ATG7: variants seen among roughly 807,000 people sequenced by gnomAD.
ATG7 encodes autophagy related 7, also known as ubiquitin-like modifier-activating enzyme ATG7.
ATG7 carries 70 observed loss-of-function variants against 82.4 expected under a neutral mutation model. That is an observed-to-expected ratio of 0.85 (90% CI 0.70 to 1.04). The LOEUF is 1.04. Ranked by LOEUF, ATG7 falls within the 50% of genes least tolerant of loss-of-function variation. The probability of loss-of-function intolerance (pLI) is 0.00; values close to 1 mark genes in which losing one functional copy is unlikely to be tolerated. For missense variants in ATG7, 792 were observed against 864.3 expected, an observed-to-expected ratio of 0.92 and a Z score of 1.05; for synonymous variants, 287 against 313.0, an observed-to-expected ratio of 0.92 and a Z score of 0.88.
chr3:11,390,280 A>G (rs534128534), intron 19 of ATG7, among the ~76,000 whole-genome samples: 8 of 152,390 alleles, frequency 5.2e-5, no homozygotes, highest in African/African-American at 1.7e-4. Flanking sequence ...TTTTTTAAAA[A>G]GTGAGTGCAA....
rs185707005 is a variant in ATG7 at position 11,379,908 on chromosome 3, G to A, written c.1876-64G>A. ...TCCTACTTGTTGTCAGAAACCAGACGTGCATTTCATAGATGTGGTCGTTGT... is the reference window on the plus strand; with the variant it reads ...TCCTACTTGTTGTCAGAAACCAGACATGCATTTCATAGATGTGGTCGTTGT... On this transcript the variant is annotated intron_variant, in intron 18 of 20. Transcript: ENST00000693202. The A allele has an allele frequency of 9.8e-4, 1,468 of 1,490,784 alleles. 2 individuals are homozygous for A. The highest frequency in any genetic ancestry group is 1.2e-3 in the Non-Finnish European group (1,298 of 1,068,892). The allele number at this position is 1,490,784 out of a possible 1,614,324, so 92.3% of individuals were successfully genotyped here. A position where few individuals can be genotyped will look rare whatever the true frequency, so the allele number is the denominator to read the frequency against.
intron 20 of ATG7, among the ~76,000 whole-genome samples, chr3:11,474,942 TAGAG>T (rs2087962740): frequency 6.6e-6 from 1 of 151,700 alleles, no homozygotes. Context: ...AGGTTGGCAA[TAGAG>T]GGAGCACGTG....
chr3:11,424,715 C>A (rs1042161980), intron 19 of ATG7, among the ~76,000 whole-genome samples: 5 of 151,992 alleles, frequency 3.3e-5, no homozygotes, highest in Admixed American at 3.3e-4. Context: ...AAATAATCTA[C>A]AGAGGCTACT....
chr3:11,458,520 C>T (rs970391690), intron 20 of ATG7, among the ~76,000 whole-genome samples: 14 of 152,174 alleles, frequency 9.2e-5, no homozygotes, highest in African/African-American at 3.4e-4. Flanking sequence ...GCCTCGGCAT[C>T]CCAAAGTGCC....
At chr3:11,275,199 T>G (rs1301356506) in intron 1 of ATG7, among the ~76,000 whole-genome samples, 1 of 152,138 alleles carries the variant, frequency 6.6e-6, no homozygotes, top group African/African-American at 2.4e-5. Context: ...ATGAATTTGC[T>G]GTGTGGAATT....
intron 20 of ATG7, among the ~76,000 whole-genome samples, chr3:11,527,079 A>G (rs868198389): frequency 0.024 from 3,439 of 145,622 alleles, 103 homozygotes; most frequent in African/African-American, 0.057. Context: ...GTGTATATAT[A>G]TATATATATA....
chr3:11,525,818 T>G (rs1368041092), intron 20 of ATG7, among the ~76,000 whole-genome samples: 3 of 152,084 alleles, frequency 2.0e-5, no homozygotes, highest in Admixed American at 1.3e-4. Context: ...CCTCCCAAAG[T>G]GCTGGGATTA....
Position 11,365,649 on chromosome 3 carries a change from ACT to A in ATG7, c.1875+917_1875+918del, listed in dbSNP as rs1315514509. 3.3e-5 allele frequency among the ~76,000 whole-genome samples: 5 copies of A among 152,074 alleles called. No individual in the cohort carries two copies. The East Asian group carries it at 9.7e-4, about 29-fold the overall frequency. On this transcript the variant is annotated intron_variant, in intron 18 of 20. Transcript: ENST00000693202. ...TCAGACGAGTGCAGAGAGCAGAGTG[ACT>A]CAGCTCATGCTTGTCTCTCTCTTCC... is the stretch of plus-strand genomic sequence containing the variant.
At chr3:11,558,959 A>G, downstream of ATG7, 4 of 1,096,216 alleles carry the variant, frequency 3.6e-6, no homozygotes, top group Non-Finnish European at 3.9e-6. Context: ...TGCAGACAGA[A>G]CCCACCTCCC....
intron 18 of ATG7, among the ~76,000 whole-genome samples, chr3:11,377,331 A>G (rs1395628720): frequency 6.6e-6 from 1 of 152,246 alleles, no homozygotes; most frequent in Non-Finnish European, 1.5e-5. Context: ...GGGAAAATAA[A>G]TCTGTTTCCT....
rs528986398 is a variant in ATG7 at position 11,366,892 on chromosome 3, G to T, written c.1875+2158G>T. ...TTCTCCTCGTTTTCAAATGTCTGAA[G>T]GATTATTTTGGTTGTTGGCCATCTC... On this transcript the variant is annotated intron_variant, in intron 18 of 20. Transcript: ENST00000693202. Among the ~76,000 whole-genome samples the T allele has an allele frequency of 8.0e-5, 12 of 150,766 alleles. No homozygotes were observed. In the South Asian group the frequency reaches 2.3e-3, roughly 29 times the overall value.
intron 9 of ATG7, among the ~76,000 whole-genome samples, chr3:11,322,341 T>G (rs994315181): frequency 6.6e-6 from 1 of 152,212 alleles, no homozygotes; most frequent in African/African-American, 2.4e-5. Flanking sequence ...CCACCTGCAG[T>G]TTGAAAAATG....
chr3:11,462,949 G>A (rs892432095), intron 20 of ATG7, among the ~76,000 whole-genome samples: 2 of 151,164 alleles, frequency 1.3e-5, no homozygotes, highest in East Asian at 1.9e-4. Flanking sequence ...GTAATGGTGC[G>A]ATCTCTGCTC....
At chr3:11,415,802 A>G (rs1008082412) in intron 19 of ATG7, among the ~76,000 whole-genome samples, 4 of 151,982 alleles carry the variant, frequency 2.6e-5, no homozygotes, top group Non-Finnish European at 5.9e-5. Flanking sequence ...ACACTTTGCT[A>G]AAATAATGCT....
chr3:11,548,896 G>A (rs2071523972), intron 20 of ATG7, among the ~76,000 whole-genome samples: 1 of 152,340 alleles, frequency 6.6e-6, no homozygotes, highest in African/African-American at 2.4e-5. Flanking sequence ...TGAGACGGCC[G>A]GGTCAAAAGT....
intron 20 of ATG7, among the ~76,000 whole-genome samples, chr3:11,521,131 A>G (rs964646487): frequency 6.6e-6 from 1 of 152,194 alleles, no homozygotes; most frequent in African/African-American, 2.4e-5. Context: ...GTTCCAACAG[A>G]TGACAGATCA....
At chr3:11,279,941 T>G (rs1326053177) in intron 1 of ATG7, among the ~76,000 whole-genome samples, 5 of 151,258 alleles carry the variant, frequency 3.3e-5, no homozygotes, top group East Asian at 1.9e-4. Context: ...GACCATAGTT[T>G]TTTTTTTTTT....
chr3:11,506,603 G>T (rs1242898191), intron 20 of ATG7, among the ~76,000 whole-genome samples: 1 of 150,550 alleles, frequency 6.6e-6, no homozygotes, highest in East Asian at 1.9e-4. Context: ...TTAGCTGGGA[G>T]TGGTGGCAGG....
chr3:11,473,456 G>A (rs1228316471), intron 20 of ATG7, among the ~76,000 whole-genome samples: 1 of 152,192 alleles, frequency 6.6e-6, no homozygotes, highest in African/African-American at 2.4e-5. Context: ...GCTAAAGGGA[G>A]GATAAATAAT....
Sources: gnomAD v4.1 joint callset for allele counts (sites outside exome capture counted in the v4.1 genomes callset) on GRCh38, gnomAD v4.1.1 for gene constraint, MANE v1.5 for transcripts, NCBI Gene and HGNC (gene_info 2026-07-23, HGNC 2026-07-21) for gene names.